Variants in MAML3 observed in about 807,000 individuals in gnomAD.
The protein encoded by MAML3 is mastermind-like protein 3.
A neutral mutation model predicts 101.9 loss-of-function variants in MAML3; 27 were observed. The observed-to-expected ratio is 0.27, with a 90% CI of 0.20 to 0.37. The LOEUF is 0.37. Ranked by LOEUF, MAML3 falls within the 10% of genes least tolerant of loss-of-function variation. MAML3 has a pLI of 1.00. For missense variants in MAML3, 1,316 were observed against 1,444.9 expected (o/e 0.91, Z 1.45); for synonymous variants, 501 against 555.9 (o/e 0.90, Z 1.39).
At chr4:139,899,949 T>C (rs995244841) in intron 1 of MAML3, among the ~76,000 whole-genome samples, 1 of 152,080 alleles carries the variant, frequency 6.6e-6, no homozygotes, top group Admixed American at 6.6e-5. Flanking sequence ...AAATCTCCAT[T>C]CTGAAATCCT....
chr4:139,854,191 G>T (rs192332322), intron 2 of MAML3, among the ~76,000 whole-genome samples: 1 of 151,830 alleles, frequency 6.6e-6, no homozygotes, highest in African/African-American at 2.4e-5. Flanking sequence ...AGCCTCACAG[G>T]TCATTTGAGA....
chr4:140,050,021 T>C (rs1727242138), intron 1 of MAML3, among the ~76,000 whole-genome samples: 1 of 152,170 alleles, frequency 6.6e-6, no homozygotes, highest in Non-Finnish European at 1.5e-5. Flanking sequence ...AGAAAGATTT[T>C]TTTTTCCTTT....
chr4:140,058,451 C>T (rs1474395363), intron 1 of MAML3, among the ~76,000 whole-genome samples: 7 of 151,716 alleles, frequency 4.6e-5, no homozygotes, highest in African/African-American at 1.7e-4. Flanking sequence ...GAAAAGAGAA[C>T]CTAACATTTG....
intron 2 of MAML3, among the ~76,000 whole-genome samples, chr4:139,862,913 T>C (rs188150371): frequency 2.6e-5 from 4 of 152,238 alleles, no homozygotes; most frequent in Non-Finnish European, 5.9e-5. Context: ...ACATCGAGTT[T>C]CACTTGCCTC....
At chr4:139,747,135 A>T (rs1263009965) in intron 2 of MAML3, among the ~76,000 whole-genome samples, 1 of 152,210 alleles carries the variant, frequency 6.6e-6, no homozygotes, top group African/African-American at 2.4e-5. Context: ...CAGAATGTGC[A>T]GGGAAGTCAA....
chr4:139,795,611 C>T (rs1212280131), intron 2 of MAML3, among the ~76,000 whole-genome samples: 1 of 152,176 alleles, frequency 6.6e-6, no homozygotes, highest in Non-Finnish European at 1.5e-5. Context: ...AAGTAACGGA[C>T]TCCATTCTTT....
chr4:140,073,553 G>T (rs192920295), intron 1 of MAML3, among the ~76,000 whole-genome samples: 113 of 152,220 alleles, frequency 7.4e-4, no homozygotes, highest in Middle Eastern at 3.4e-3. Flanking sequence ...CCTACTTCCT[G>T]GCTGTGAGGT....
At chr4:139,830,757 C>T (rs10032570) in intron 2 of MAML3, among the ~76,000 whole-genome samples, 26 of 151,998 alleles carry the variant, frequency 1.7e-4, no homozygotes, top group South Asian at 1.7e-3. Context: ...AAATAAGACA[C>T]GATCCTATTA....
intron 1 of MAML3, among the ~76,000 whole-genome samples, chr4:140,059,787 T>A (rs1045311345): frequency 2.0e-5 from 3 of 152,158 alleles, no homozygotes; most frequent in Non-Finnish European, 4.4e-5. Context: ...ATTAAAGGAT[T>A]TGTTAGTTTT....
At chr4:139,914,987 G>T (rs1733000390) in intron 1 of MAML3, among the ~76,000 whole-genome samples, 1 of 143,956 alleles carries the variant, frequency 6.9e-6, no homozygotes, top group Non-Finnish European at 1.5e-5. Flanking sequence ...TTTTATGCCT[G>T]CTTAAAACCA....
In MAML3 at chr4:139,718,039, A is replaced by C. The variant is rs1728062073; in HGVS notation, c.*1284T>G. 6.6e-6 allele frequency: 1 copy of C among 152,118 alleles called. No individual in the cohort carries two copies. The highest frequency in any genetic ancestry group is 1.5e-5 in the Non-Finnish European group (1 of 67,998). 9.4% of individuals were successfully genotyped at this position (152,118 alleles called of 1,614,324 possible). A position where few individuals can be genotyped will look rare whatever the true frequency, so the allele number is the denominator to read the frequency against. ...AGCTCCTCCACCTCTCTGGGATTTTATATTTGTCTTTCTGATGAGTAGGGA... is the reference window on the plus strand; with the variant it reads ...AGCTCCTCCACCTCTCTGGGATTTTCTATTTGTCTTTCTGATGAGTAGGGA... On this transcript the variant is annotated 3_prime_UTR_variant, in exon 5 of 5. Coordinates refer to ENST00000509479, the MANE Select transcript of MAML3 (RefSeq NM_018717.5).
chr4:139,971,209 G>A lies in MAML3; in HGVS notation c.469-80242C>T, dbSNP rs939270468. 2.4e-4 allele frequency among the ~76,000 whole-genome samples: 19 copies of A among 79,634 alleles called. No homozygotes were observed. The Admixed American group carries it at 4.1e-3, about 17-fold the overall frequency. 52.2% of individuals were successfully genotyped at this position (79,634 alleles called of 152,430 possible). A position where few individuals can be genotyped will look rare whatever the true frequency, so the allele number is the denominator to read the frequency against. Reference sequence around the variant, plus strand: ...CCTCTAATTACTAACTCTTCTCACTGTACCTTCTGGGCTACCTAAACTGCA... The same window carrying A: ...CCTCTAATTACTAACTCTTCTCACTATACCTTCTGGGCTACCTAAACTGCA... On this transcript the variant is annotated intron_variant, in intron 1 of 4. Transcript: ENST00000509479.
intron 1 of MAML3, among the ~76,000 whole-genome samples, chr4:139,938,520 G>A (rs1733547028): frequency 6.6e-6 from 1 of 152,178 alleles, no homozygotes; most frequent in Admixed American, 6.5e-5. Context: ...CCCATACGAT[G>A]TCAGCACATA....
chr4:139,775,119 T>C (rs887748030), intron 2 of MAML3, among the ~76,000 whole-genome samples: 1 of 152,172 alleles, frequency 6.6e-6, no homozygotes, highest in Non-Finnish European at 1.5e-5. Context: ...GGCTGCATGG[T>C]ATATGATTCT....
intron 2 of MAML3, among the ~76,000 whole-genome samples, chr4:139,789,060 CCTT>C (rs2111088624): frequency 6.6e-6 from 1 of 152,272 alleles, no homozygotes; most frequent in Admixed American, 6.5e-5. Flanking sequence ...ATAACCAAGG[CCTT>C]TTAATGCTAG....
chr4:140,124,109 A>G (rs191191376), intron 1 of MAML3, among the ~76,000 whole-genome samples: 2 of 152,332 alleles, frequency 1.3e-5, no homozygotes, highest in Non-Finnish European at 2.9e-5. Flanking sequence ...TACCTTGAGT[A>G]GTCAAAATGC....
At chr4:139,983,539 A>G (rs1480900983) in intron 1 of MAML3, among the ~76,000 whole-genome samples, 1 of 152,178 alleles carries the variant, frequency 6.6e-6, no homozygotes, top group Non-Finnish European at 1.5e-5. Context: ...TGGAATATTT[A>G]CCTTGTATTT....
intron 2 of MAML3, among the ~76,000 whole-genome samples, chr4:139,843,413 C>A (rs1330351088): frequency 6.6e-6 from 1 of 152,174 alleles, no homozygotes; most frequent in Admixed American, 6.5e-5. Context: ...AGATTTACTA[C>A]CTAGTCCCAA....
chr4:139,890,616 G>A lies in MAML3; in HGVS notation c.820C>T (p.Leu274Phe). 1 of 1,613,998 alleles carries A rather than the reference G, an allele frequency of 6.2e-7. No homozygotes were observed. Residue 274 changes from leucine to phenylalanine, a missense_variant, in exon 2 of 5, where the codon CTC (leucine) becomes TTC (phenylalanine). Physicochemically the swap from Leu to Phe is conservative, Grantham distance 22. Coordinates refer to ENST00000509479, the MANE Select transcript of MAML3 (RefSeq NM_018717.5). The surrounding 1 kb of genome is among the most constrained non-coding windows in gnomAD (Gnocchi z 4.1). ...DSFTILQSKDLKQEPLDDPTC... is the reference protein window; with the variant it reads ...DSFTILQSKDFKQEPLDDPTC... The stretch of plus-strand genomic sequence containing the variant: ...GGGTCATCGAGAGGTTCTTGTTTGA[G>A]GTCTTTGCTCTGCAAGATGGTGAAG...
Sources: allele counts gnomAD v4.1 joint callset (sites outside exome capture counted in the v4.1 genomes callset), GRCh38; gene constraint gnomAD v4.1.1; non-coding constraint Gnocchi (gnomAD v3.1); transcripts MANE v1.5; gene names NCBI Gene and HGNC (gene_info 2026-07-23, HGNC 2026-07-21).